IMMP1L: variants seen among roughly 807,000 people sequenced by gnomAD.
The protein encoded by IMMP1L is mitochondrial inner membrane protease subunit 1.
In IMMP1L, 24 loss-of-function variants were observed where a neutral mutation model predicts 21.8. The ratio of observed to expected loss-of-function variants is 1.10; its 90% CI spans 0.80 to 1.55. The LOEUF (loss-of-function observed/expected upper bound fraction) is 1.55, where lower values mean the gene tolerates loss of function less well. Ranked by LOEUF, IMMP1L falls within the 40% of genes most tolerant of loss-of-function variation. The pLI is 0.00. For synonymous variants in IMMP1L, 46 were observed against 62.8 expected, an observed-to-expected ratio of 0.73 and a Z score of 1.26; for missense variants, 195 against 200.7, an observed-to-expected ratio of 0.97 and a Z score of 0.17.
intron 1 of IMMP1L, among the ~76,000 whole-genome samples, chr11:31,499,805 A>G (rs1203459126): frequency 6.6e-6 from 1 of 152,040 alleles, no homozygotes; most frequent in Non-Finnish European, 1.5e-5. Context: ...AATATTTACC[A>G]TCTGGTCCCA....
intron 1 of IMMP1L, among the ~76,000 whole-genome samples, chr11:31,473,289 T>A (rs893093795): frequency 6.6e-5 from 10 of 152,108 alleles, no homozygotes; most frequent in Non-Finnish European, 1.3e-4. Flanking sequence ...GACCTTGTGA[T>A]CCGCCCGCCT....
chr11:31,489,732 CTCTT>C (rs1419513673), intron 1 of IMMP1L, among the ~76,000 whole-genome samples: 8 of 152,124 alleles, frequency 5.3e-5, no homozygotes, highest in Non-Finnish European at 1.0e-4. Context: ...TCAATCTTCT[CTCTT>C]TATGACACTA....
intron 3 of IMMP1L, among the ~76,000 whole-genome samples, chr11:31,456,604 A>C (rs928601589): frequency 4.6e-5 from 7 of 152,038 alleles, no homozygotes; most frequent in Non-Finnish European, 1.0e-4. Context: ...GGCTATCTAA[A>C]ATTTCTGATA....
chr11:31,508,794 G>C (rs953868057), intron 1 of IMMP1L, among the ~76,000 whole-genome samples: 20 of 151,844 alleles, frequency 1.3e-4, no homozygotes, highest in African/African-American at 4.8e-4. Flanking sequence ...GTTACCCACT[G>C]TCCCTGCTCA....
At chr11:31,481,956 A>G (rs1264264468) in intron 1 of IMMP1L, among the ~76,000 whole-genome samples, 1 of 152,110 alleles carries the variant, frequency 6.6e-6, no homozygotes, top group Admixed American at 6.6e-5. Context: ...ATTGCTTAAA[A>G]TATTAAAAAT....
intron 1 of IMMP1L, among the ~76,000 whole-genome samples, chr11:31,501,085 T>C (rs1955603725): frequency 6.6e-6 from 1 of 152,196 alleles, no homozygotes; most frequent in Non-Finnish European, 1.5e-5. Context: ...TCTATAACCA[T>C]ACGTGTTTAA....
At chr11:31,492,754 G>C (rs756240063) in intron 1 of IMMP1L, among the ~76,000 whole-genome samples, 2 of 152,164 alleles carry the variant, frequency 1.3e-5, no homozygotes, top group African/African-American at 2.4e-5. Flanking sequence ...CAGCGAAGGA[G>C]AGCTGGGGGG....
Position 31,456,248 on chromosome 11 carries a change from A to T in IMMP1L, c.321+12T>A, listed in dbSNP as rs369291620. The T allele has an allele frequency of 1.3e-6, 2 of 1,561,156 alleles. No homozygotes were observed. Among genetic ancestry groups the T allele is most frequent in the Non-Finnish European group, 1.7e-6 (2 of 1,144,170 alleles). On this transcript the variant is annotated intron_variant, in intron 4 of 5. Transcript: ENST00000532287. ...ATGACACCAAAAATAACATAATTGA[A>T]ATGTTACTTACATAACTATGGCTTT...
intron 1 of IMMP1L, chr11:31,469,834 G>T (rs756150927): frequency 6.6e-6 from 1 of 152,090 alleles, no homozygotes; most frequent in Non-Finnish European, 1.5e-5. Flanking sequence ...AAATTGGTCA[G>T]AAATTTACCT....
chr11:31,470,504 G>A (rs913872756), intron 1 of IMMP1L, among the ~76,000 whole-genome samples: 1 of 150,558 alleles, frequency 6.6e-6, no homozygotes, highest in Non-Finnish European at 1.5e-5. Context: ...ATACATATTT[G>A]GATAAAGATA....
intron 1 of IMMP1L, among the ~76,000 whole-genome samples, chr11:31,495,564 A>C (rs1375659458): frequency 1.3e-5 from 2 of 152,216 alleles, no homozygotes; most frequent in African/African-American, 4.8e-5. Context: ...TCATGGCGAA[A>C]GGACTTACAC....
intron 2 of IMMP1L, among the ~76,000 whole-genome samples, chr11:31,462,686 A>C (rs7101821): frequency 0.057 from 8,733 of 152,256 alleles, 696 homozygotes; most frequent in African/African-American, 0.16. Flanking sequence ...GAATTTTGAA[A>C]ACTGGACAAA....
intron 1 of IMMP1L, among the ~76,000 whole-genome samples, chr11:31,466,719 T>A (rs566609044): frequency 6.6e-6 from 1 of 151,910 alleles, no homozygotes; most frequent in African/African-American, 2.4e-5. Flanking sequence ...ATTGAGCCTA[T>A]GGAAGTATAG....
At chr11:31,485,811 T>C (rs1955052220) in intron 1 of IMMP1L, among the ~76,000 whole-genome samples, 1 of 151,892 alleles carries the variant, frequency 6.6e-6, no homozygotes, top group South Asian at 2.1e-4. Context: ...CAACACAGCA[T>C]AGAATTCCGA....
chr11:31,477,596 G>A, intron 1 of IMMP1L: 6 of 973,638 alleles, frequency 6.2e-6, no homozygotes, highest in Non-Finnish European at 6.1e-6. Flanking sequence ...GATGGGAAAG[G>A]ATTAGTTCTC....
At chr11:31,471,883 T>C (rs901127911) in intron 1 of IMMP1L, among the ~76,000 whole-genome samples, 1 of 152,212 alleles carries the variant, frequency 6.6e-6, no homozygotes, top group Non-Finnish European at 1.5e-5. Flanking sequence ...TGGGTACCAC[T>C]GGGCTAAAAA....
At chr11:31,472,883 T>G (rs955442175) in intron 1 of IMMP1L, among the ~76,000 whole-genome samples, 7 of 152,184 alleles carry the variant, frequency 4.6e-5, no homozygotes, top group Non-Finnish European at 7.3e-5. Context: ...TATTTTTTTT[T>G]GAGATGGAGT....
chr11:31,459,259 T>G lies in IMMP1L; in HGVS notation c.194+1367A>C, dbSNP rs142373681. ...CTAAGGCTGGTGAAAGATCAGTAAA[T>G]GTGAAGAAATGTATTCTTAACAATT... is the stretch of plus-strand genomic sequence containing the variant. On this transcript the variant is annotated intron_variant, in intron 3 of 5. Transcript: ENST00000532287. Among the ~76,000 whole-genome samples the G allele has an allele frequency of 3.0e-3, 451 of 152,274 alleles. 2 individuals are homozygous for G. Among genetic ancestry groups the G allele is most frequent in the African/African-American group, 1.0e-2 (415 of 41,570 alleles).
At chr11:31,442,000 T>C (rs73467238) in intron 4 of IMMP1L, among the ~76,000 whole-genome samples, 6,651 of 152,282 alleles carry the variant, frequency 0.044, 390 homozygotes, top group African/African-American at 0.11. Context: ...TGCATAAGAC[T>C]GAATATATGA....
Sources: allele counts gnomAD v4.1 joint callset (sites outside exome capture counted in the v4.1 genomes callset), GRCh38; gene constraint gnomAD v4.1.1; transcripts MANE v1.5; gene names NCBI Gene and HGNC (gene_info 2026-07-23, HGNC 2026-07-21).